Variants in SNAP25 observed in about 807,000 individuals in gnomAD.
The protein encoded by SNAP25 is synaptosomal-associated protein 25.
SNAP25 carries 3 observed loss-of-function variants against 28.7 expected under a neutral mutation model. The ratio of observed to expected loss-of-function variants is 0.10; its 90% CI spans 0.05 to 0.27. SNAP25 has a LOEUF of 0.27. Among genes scored for constraint, SNAP25 ranks in the 10% least tolerant of loss-of-function variants. The pLI, the probability that SNAP25 is intolerant of heterozygous loss-of-function variation, is 1.00. For missense variants in SNAP25, 117 were observed against 278.7 expected (o/e 0.42, Z 4.13); for synonymous variants, 61 against 88.1 (o/e 0.69, Z 1.72).
At chr20:10,235,942 C>T (rs1216521034) in intron 1 of SNAP25, among the ~76,000 whole-genome samples, 1 of 152,214 alleles carries the variant, frequency 6.6e-6, no homozygotes, top group Admixed American at 6.5e-5. Flanking sequence ...GCTATTATCT[C>T]ATTAACCAAA....
At chr20:10,303,131 C>G (rs2064278567) in intron 7 of SNAP25, among the ~76,000 whole-genome samples, 1 of 152,202 alleles carries the variant, frequency 6.6e-6, no homozygotes, top group Non-Finnish European at 1.5e-5. Flanking sequence ...ATAATTCAAT[C>G]TACAGGAACA....
chr20:10,286,362 T>C (rs573835315), intron 4 of SNAP25, among the ~76,000 whole-genome samples: 16 of 152,244 alleles, frequency 1.1e-4, no homozygotes, highest in African/African-American at 3.4e-4. Flanking sequence ...ATGTCTGTGA[T>C]AGGTCAAGGG....
rs750718626 is a variant in SNAP25 at position 10,293,011 on chromosome 20, G to A, written c.164-150G>A. 6.5e-7 allele frequency: 1 copy of A among 1,548,812 alleles called. No homozygotes were observed. The highest frequency in any genetic ancestry group is 8.8e-7 in the Non-Finnish European group (1 of 1,133,254). On this transcript the variant is annotated intron_variant, in intron 4 of 7. Transcript: ENST00000254976. This position sits in a 1 kb window ranked among gnomAD's most constrained non-coding sequence, Gnocchi z 5.6. ...TGTCCTTGTAACAAGTAGGTACTGG[G>A]TACCAGCTCTAATCTGTGGCGTCCA...
intron 1 of SNAP25, among the ~76,000 whole-genome samples, chr20:10,238,932 C>A (rs868280077): frequency 1.4e-4 from 17 of 125,656 alleles, no homozygotes; most frequent in African/African-American, 6.9e-4. Context: ...ATAATAATAT[C>A]AATAAAGCAT....
At chr20:10,234,859 A>T (rs1409546646) in intron 1 of SNAP25, among the ~76,000 whole-genome samples, 2 of 152,196 alleles carry the variant, frequency 1.3e-5, no homozygotes, top group African/African-American at 4.8e-5. Context: ...TTTCAGAGTG[A>T]TACTTTTTAA....
At chr20:10,219,765 A>G (rs994806744) in intron 1 of SNAP25, 1 of 152,256 alleles carries the variant, frequency 6.6e-6, no homozygotes. Flanking sequence ...CTGGAGACCA[A>G]ATTGTCTCCC....
intron 7 of SNAP25, among the ~76,000 whole-genome samples, chr20:10,304,001 C>A (rs1414852341): frequency 6.6e-6 from 1 of 152,194 alleles, no homozygotes; most frequent in East Asian, 1.9e-4. Context: ...AAGCCAAGTT[C>A]TCATACGGTA....
chr20:10,250,587 T>C (rs1391069284), intron 1 of SNAP25, among the ~76,000 whole-genome samples: 1 of 152,224 alleles, frequency 6.6e-6, no homozygotes, highest in African/African-American at 2.4e-5. Flanking sequence ...GGGCAAAGTA[T>C]GTAAAGAATT....
intron 2 of SNAP25, among the ~76,000 whole-genome samples, chr20:10,276,888 G>T (rs1393180349): frequency 6.6e-6 from 1 of 152,184 alleles, no homozygotes; most frequent in African/African-American, 2.4e-5. Flanking sequence ...GCAGACTGCT[G>T]CTTGCAGCCA....
chr20:10,257,032 T>C (rs756796825), intron 1 of SNAP25, among the ~76,000 whole-genome samples: 2 of 152,214 alleles, frequency 1.3e-5, no homozygotes, highest in Non-Finnish European at 2.9e-5. Context: ...TTCCCAATCT[T>C]GGCTGCACAC....
chr20:10,289,304 G>A (rs184629525), intron 4 of SNAP25, among the ~76,000 whole-genome samples: 8 of 152,248 alleles, frequency 5.3e-5, no homozygotes, highest in Admixed American at 3.9e-4. Flanking sequence ...TGGCACTAAT[G>A]TGGGCTTTTA....
At position 10,293,670 on chromosome 20, in the gene SNAP25, C is replaced by T. The variant is rs2064046028; in HGVS notation, c.281+392C>T. Among the ~76,000 whole-genome samples, 1 of 152,072 alleles carries T rather than the reference C, an allele frequency of 6.6e-6. No homozygotes were observed. Among genetic ancestry groups the T allele is most frequent in the Non-Finnish European group, 1.5e-5 (1 of 68,010 alleles). On this transcript the variant is annotated intron_variant, in intron 5 of 7. Coordinates refer to ENST00000254976, the MANE Select transcript of SNAP25 (RefSeq NM_130811.4). This position sits in a 1 kb window ranked among gnomAD's most constrained non-coding sequence, Gnocchi z 5.6. ...GTTTGGAAGATGAGAAACACATATG[C>T]GAAGGTTTGATTTTTTCCAAAATAA...
intron 1 of SNAP25, among the ~76,000 whole-genome samples, chr20:10,241,335 C>T (rs1281292846): frequency 6.6e-6 from 1 of 152,158 alleles, no homozygotes; most frequent in African/African-American, 2.4e-5. Context: ...TCATCATGCA[C>T]AGTTGCAGCC....
intron 4 of SNAP25, among the ~76,000 whole-genome samples, chr20:10,287,281 G>C (rs1416697774): frequency 6.6e-6 from 1 of 151,852 alleles, no homozygotes; most frequent in African/African-American, 2.4e-5. Context: ...CTAATATCCA[G>C]AATCTACAAT....
At chr20:10,263,532 GGGTCTTTCTGTTT>G (rs2063456724) in intron 1 of SNAP25, among the ~76,000 whole-genome samples, 1 of 152,162 alleles carries the variant, frequency 6.6e-6, no homozygotes, top group Non-Finnish European at 1.5e-5. Flanking sequence ...GGTGGGAGTG[GGGTCTTTCTGTTT>G]GGTCTTAGAA....
chr20:10,307,191 G>T lies in SNAP25; in HGVS notation c.*994G>T, dbSNP rs1198720260. On this transcript the variant is annotated 3_prime_UTR_variant, in exon 8 of 8. Coordinates refer to ENST00000254976, the MANE Select transcript of SNAP25 (RefSeq NM_130811.4). ...CCATTTCCCCTGTGGTTTGTTATCA[G>T]TACAATTCTTTGTTGCTTAATCTAG... is the stretch of plus-strand genomic sequence containing the variant. 1 of 152,512 alleles carries T rather than the reference G, an allele frequency of 6.6e-6. No homozygotes were observed. Among genetic ancestry groups the T allele is most frequent in the African/African-American group, 2.4e-5 (1 of 41,402 alleles). 9.4% of individuals were successfully genotyped at this position (152,512 alleles called of 1,614,324 possible). A position where few individuals can be genotyped will look rare whatever the true frequency, so the allele number is the denominator to read the frequency against.
intron 5 of SNAP25, 154 bp from the exon 6 acceptor site, chr20:10,296,771 C>A: frequency 9.2e-7 from 1 of 1,083,498 alleles, no homozygotes; most frequent in Non-Finnish European, 1.3e-6. Context: ...TGGTGGCCAA[C>A]TGTTTGGGTC....
At chr20:10,247,759 ATG>A (rs1311226412) in intron 1 of SNAP25, among the ~76,000 whole-genome samples, 11 of 152,202 alleles carry the variant, frequency 7.2e-5, no homozygotes, top group Non-Finnish European at 1.6e-4. Context: ...CGGAGAGAGG[ATG>A]ATGGCACGAA....
At chr20:10,280,595 GGTA>G (rs2063763086) in intron 3 of SNAP25, among the ~76,000 whole-genome samples, 1 of 152,284 alleles carries the variant, frequency 6.6e-6, no homozygotes, top group Non-Finnish European at 1.5e-5. Context: ...TCCTCGAGGA[GGTA>G]GTATTTAATT....
Sources: gnomAD v4.1 joint callset for allele counts (sites outside exome capture counted in the v4.1 genomes callset) on GRCh38, gnomAD v4.1.1 for gene constraint, Gnocchi (gnomAD v3.1) non-coding constraint, MANE v1.5 for transcripts, NCBI Gene and HGNC (gene_info 2026-07-23, HGNC 2026-07-21) for gene names.